Variants in ADAM20 observed in about 807,000 individuals in gnomAD.
ADAM20 encodes the protein ADAM metallopeptidase domain 20, also known as disintegrin and metalloproteinase domain-containing protein 20.
For synonymous variants in ADAM20, 305 were observed against 310.2 expected, an observed-to-expected ratio of 0.98 and a Z score of 0.18; for missense variants, 871 against 883.2, an observed-to-expected ratio of 0.99 and a Z score of 0.18.
chr14:70,576,691 A>G, the ADAM20 span, among the ~76,000 whole-genome samples: 217 of 152,278 alleles, frequency 1.4e-3, no homozygotes, highest in South Asian at 4.6e-3. Flanking sequence ...AGGGTAACAG[A>G]AGGAGGTCAG....
At chr14:70,526,496 T>C (rs550175186) in intron 1 of ADAM20, among the ~76,000 whole-genome samples, 1 of 152,282 alleles carries the variant, frequency 6.6e-6, no homozygotes, top group African/African-American at 2.4e-5. Context: ...GTATGTGTCA[T>C]AGAGTTTGGA....
chr14:70,572,930 A>G, the ADAM20 span, among the ~76,000 whole-genome samples: 2 of 152,194 alleles, frequency 1.3e-5, no homozygotes, highest in Non-Finnish European at 2.9e-5. Context: ...AAAGTAAAAA[A>G]AAAATAGATG....
chr14:70,564,708 T>C, the ADAM20 span, among the ~76,000 whole-genome samples: 8 of 146,096 alleles, frequency 5.5e-5, no homozygotes, highest in African/African-American at 1.8e-4. Context: ...ATGGACAAAC[T>C]GAGAATATCA....
rs1883552139 is a variant in ADAM20 at position 70,524,806 on chromosome 14, GGT to G, written c.-51_-50del. 1 of 1,613,386 alleles carries G rather than the reference GGT, an allele frequency of 6.2e-7. No individual in the cohort carries two copies. Among genetic ancestry groups the G allele is most frequent in the African/African-American group, 1.3e-5 (1 of 74,918 alleles). ...ATCTGTCTAGAGCAGAAGAGAACAA[GGT>G]GTGAGGCACTGCTGGTCTGGCTCCT... On this transcript the variant is annotated 5_prime_UTR_variant, in exon 2 of 2. An upstream open reading frame in the 5' UTR gains an earlier in-frame stop. Transcript: ENST00000256389.
chr14:70,536,798 C>T (rs1166915948), upstream of ADAM20, among the ~76,000 whole-genome samples: 1 of 151,990 alleles, frequency 6.6e-6, no homozygotes, highest in East Asian at 1.9e-4. Flanking sequence ...GAGATGTCAG[C>T]CCCAAGATAA....
intron 1 of ADAM20, among the ~76,000 whole-genome samples, chr14:70,527,576 C>T (rs983341252): frequency 5.9e-5 from 9 of 152,148 alleles, no homozygotes; most frequent in African/African-American, 1.7e-4. Flanking sequence ...TTAATGGCCA[C>T]GCTCATCAGT....
At chr14:70,534,530 G>A (rs1442863379) in intron 1 of ADAM20, among the ~76,000 whole-genome samples, 1 of 152,122 alleles carries the variant, frequency 6.6e-6, no homozygotes, top group African/African-American at 2.4e-5. Context: ...CCATGGATGA[G>A]CATTGAGAAT....
intron 1 of ADAM20, among the ~76,000 whole-genome samples, chr14:70,530,128 A>C (rs1420174013): frequency 6.6e-6 from 1 of 152,200 alleles, no homozygotes; most frequent in Non-Finnish European, 1.5e-5. Flanking sequence ...TAAAAATACA[A>C]AAATTTTTAT....
chr14:70,529,220 A>T (rs1431569030), intron 1 of ADAM20, among the ~76,000 whole-genome samples: 2 of 152,170 alleles, frequency 1.3e-5, no homozygotes, highest in Non-Finnish European at 2.9e-5. Flanking sequence ...TACCCAACAC[A>T]TCAGAACACA....
At chr14:70,556,490 T>C in the ADAM20 span, 1 of 152,270 alleles carries the variant, frequency 6.6e-6, no homozygotes, top group Non-Finnish European at 1.5e-5. Context: ...TATGGAGGGA[T>C]GCACAGATAC....
chr14:70,577,475 G>GT, the ADAM20 span, among the ~76,000 whole-genome samples: 1 of 152,154 alleles, frequency 6.6e-6, no homozygotes, highest in Non-Finnish European at 1.5e-5. Context: ...CCACAGTGGA[G>GT]TAACTGGCAC....
At chr14:70,540,535 C>A in the ADAM20 span, among the ~76,000 whole-genome samples, 1 of 152,148 alleles carries the variant, frequency 6.6e-6, no homozygotes. Context: ...CTGCCAAATA[C>A]TATAAGGTAT....
chr14:70,544,913 G>A, the ADAM20 span, among the ~76,000 whole-genome samples: 33 of 151,964 alleles, frequency 2.2e-4, no homozygotes, highest in Admixed American at 2.2e-3. Context: ...GTTCTTGAAA[G>A]TAATAATAAA....
the ADAM20 span, among the ~76,000 whole-genome samples, chr14:70,557,752 T>C: frequency 1.4e-5 from 1 of 73,620 alleles, no homozygotes; most frequent in Non-Finnish European, 2.6e-5. Flanking sequence ...TCTTAAAACA[T>C]TTTTTTTTTT....
chr14:70,522,611 T>G lies in ADAM20; in HGVS notation c.2147A>C (p.Lys716Thr). 1 of 1,612,178 alleles carries G rather than the reference T, an allele frequency of 6.2e-7. No individual in the cohort carries two copies. The highest frequency in any genetic ancestry group is 1.1e-5 in the South Asian group (1 of 90,686). Residue 716 changes from lysine (K) to threonine (T), a missense_variant, in exon 2 of 2, where the codon AAA becomes ACA. By Grantham distance (78) the Lys-to-Thr change is moderately conservative (BLOSUM62 -1). Coordinates refer to ENST00000256389, the MANE Select transcript of ADAM20 (RefSeq NM_003814.5). Reference protein sequence around the residue: ...LLFCLHVLFKKRTKSKEDEEG With the variant: ...LLFCLHVLFKTRTKSKEDEEG The stretch of plus-strand genomic sequence containing the variant: ...TTCATCTTCTTTACTTTTTGTGCGT[T>G]TCTTAAAAAGCACATGTAAGCAAAA...
At position 70,524,430 on chromosome 14, in the gene ADAM20, AGC is replaced by A. The variant is rs1251368393; in HGVS notation, c.326_327del (p.Cys109LeufsTer11). 1 of 1,614,040 alleles carries A rather than the reference AGC, an allele frequency of 6.2e-7. No individual in the cohort carries two copies. On this transcript the variant is annotated frameshift_variant, in exon 2 of 2. Transcript: ENST00000256389. LOFTEE classifies it low-confidence loss of function (END_TRUNC). ...ACCCCCTCCACATAACCATGGTAGTAGCAGTCATCCTGGATGAAGGGCTGATC... is the reference window on the plus strand; with the variant it reads ...ACCCCCTCCACATAACCATGGTAGTAAGTCATCCTGGATGAAGGGCTGATC... The part of the protein sequence containing the change: ...LQDQPFIQDD[C>X]YYHGYVEGVP...
chr14:70,526,693 A>C (rs997119677), intron 1 of ADAM20, among the ~76,000 whole-genome samples: 2 of 152,222 alleles, frequency 1.3e-5, no homozygotes, highest in South Asian at 2.1e-4. Context: ...GTCTTAAAGG[A>C]ACATTGCCTT....
the ADAM20 span, among the ~76,000 whole-genome samples, chr14:70,553,653 C>T: frequency 2.6e-5 from 4 of 151,330 alleles, no homozygotes; most frequent in South Asian, 2.1e-4. Flanking sequence ...AATCAATCAG[C>T]GTGGTACATC....
upstream of ADAM20, among the ~76,000 whole-genome samples, chr14:70,536,339 A>G (rs1883831210): frequency 6.6e-6 from 1 of 151,546 alleles, no homozygotes; most frequent in Admixed American, 6.6e-5. Context: ...GGTGGTGGGC[A>G]TCTGTAATCC....
Sources: allele counts gnomAD v4.1 joint callset (sites outside exome capture counted in the v4.1 genomes callset), GRCh38; gene constraint gnomAD v4.1.1; transcripts MANE v1.5; gene names NCBI Gene and HGNC (gene_info 2026-07-23, HGNC 2026-07-21).